Variants in ZNF407 observed in about 807,000 individuals in gnomAD.
ZNF407 encodes zinc finger protein 407.
A neutral mutation model predicts 131.2 loss-of-function variants in ZNF407; 17 were observed. The observed-to-expected ratio is 0.13, with a 90% confidence interval of 0.09 to 0.19. The LOEUF is 0.19. ZNF407 is among the 10% of genes least tolerant of loss of function. The pLI is 1.00. For synonymous variants in ZNF407, 1,156 were observed against 1,062.0 expected, an observed-to-expected ratio of 1.09 and a Z score of -1.72; for missense variants, 2,681 against 2,830.6, an observed-to-expected ratio of 0.95 and a Z score of 1.20.
intron 3 of ZNF407, among the ~76,000 whole-genome samples, chr18:74,755,725 T>TTTCC (rs1179744326): frequency 7.9e-4 from 85 of 107,970 alleles, no homozygotes; most frequent in East Asian, 5.9e-3. Context: ...CTCTTCTTTC[T>TTTCC]TTCCTTTCTT....
chr18:74,759,320 A>G (rs1281702789), intron 3 of ZNF407, among the ~76,000 whole-genome samples: 1 of 151,992 alleles, frequency 6.6e-6, no homozygotes, highest in Non-Finnish European at 1.5e-5. Context: ...TATTCTGTGG[A>G]CATGTTTGAG....
chr18:74,604,342 T>A (rs1982705628), intron 1 of ZNF407, among the ~76,000 whole-genome samples: 1 of 149,564 alleles, frequency 6.7e-6, no homozygotes, highest in African/African-American at 2.4e-5. Flanking sequence ...ATGTGCATTT[T>A]GATCCTTTGC....
intron 4 of ZNF407, among the ~76,000 whole-genome samples, chr18:74,802,087 T>G (rs945102166): frequency 6.6e-6 from 1 of 152,206 alleles, no homozygotes; most frequent in Non-Finnish European, 1.5e-5. Flanking sequence ...TCACTGAAAG[T>G]CACTGTTAGC....
chr18:74,741,700 A>C lies in ZNF407; in HGVS notation c.4803-39728A>C, dbSNP rs377048981. Among the ~76,000 whole-genome samples the C allele has an allele frequency of 1.4e-3, 206 of 152,232 alleles. 3 individuals are homozygous for C. The highest frequency in any genetic ancestry group is 4.8e-3 in the African/African-American group (199 of 41,544). ...GATTTGCACATTTCAAACAATAGTA[A>C]ATTTCCTTGGTTGTCAGATATACAT... On this transcript the variant is annotated intron_variant, in intron 3 of 8. Transcript: ENST00000299687.
intron 8 of ZNF407, among the ~76,000 whole-genome samples, chr18:75,022,515 C>T (rs1301761710): frequency 6.6e-6 from 1 of 152,184 alleles, no homozygotes; most frequent in Non-Finnish European, 1.5e-5. Flanking sequence ...CCTAACCTCT[C>T]TGCACTTGAA....
chr18:74,681,059 A>G (rs1966971221), intron 3 of ZNF407, among the ~76,000 whole-genome samples: 1 of 152,274 alleles, frequency 6.6e-6, no homozygotes, highest in Middle Eastern at 3.4e-3. Flanking sequence ...ACCAATAACT[A>G]TAATACCAGG....
intron 2 of ZNF407, among the ~76,000 whole-genome samples, chr18:74,637,396 T>C (rs1223307047): frequency 6.6e-6 from 1 of 152,200 alleles, no homozygotes; most frequent in Non-Finnish European, 1.5e-5. Context: ...AAAATCAAGT[T>C]AATGTGGATG....
intron 8 of ZNF407, among the ~76,000 whole-genome samples, chr18:75,058,823 CACATTCGTTTA>C (rs1321819223): frequency 6.6e-6 from 1 of 152,196 alleles, no homozygotes; most frequent in Non-Finnish European, 1.5e-5. Context: ...AGAAGAGATT[CACATTCGTTTA>C]AATGACACTT....
chr18:74,759,721 T>C (rs1020730985), intron 3 of ZNF407, among the ~76,000 whole-genome samples: 2 of 151,944 alleles, frequency 1.3e-5, no homozygotes, highest in African/African-American at 4.8e-5. Context: ...TTTTTTCATT[T>C]TTATTGATAA....
At chr18:74,906,717 G>A (rs1473716297) in intron 7 of ZNF407, among the ~76,000 whole-genome samples, 2 of 151,914 alleles carry the variant, frequency 1.3e-5, no homozygotes, top group African/African-American at 4.8e-5. Flanking sequence ...ATCTGTATAT[G>A]TATGTGCATA....
chr18:74,761,943 A>G (rs1344137988), intron 3 of ZNF407, among the ~76,000 whole-genome samples: 1 of 152,136 alleles, frequency 6.6e-6, no homozygotes, highest in Non-Finnish European at 1.5e-5. Context: ...TCAAATTGCT[A>G]GTATTTGTAG....
At chr18:75,009,911 A>G (rs1972954702) in intron 8 of ZNF407, among the ~76,000 whole-genome samples, 1 of 152,220 alleles carries the variant, frequency 6.6e-6, no homozygotes, top group South Asian at 2.1e-4. Context: ...AAAATCAGAA[A>G]TCCCAATTAT....
intron 3 of ZNF407, among the ~76,000 whole-genome samples, chr18:74,755,728 C>CTTTTCTTTCTTT (rs1968925683): frequency 1.6e-5 from 1 of 63,468 alleles, no homozygotes; most frequent in Admixed American, 2.1e-4. Flanking sequence ...TTCTTTCTTT[C>CTTTTCTTTCTTT]CTTTCTTTCT....
rs1449858117 is a variant in ZNF407, at chr18:75,064,854, C to T, written c.*386C>T. ...ATTTCAGTTATCAGAAGGTCATGGCCGTGGGGAAAGTGGTGAAGATACCCC... is the reference window on the plus strand; with the variant it reads ...ATTTCAGTTATCAGAAGGTCATGGCTGTGGGGAAAGTGGTGAAGATACCCC... On this transcript the variant is annotated 3_prime_UTR_variant, in exon 9 of 9. Coordinates refer to ENST00000299687, the MANE Select transcript of ZNF407 (RefSeq NM_017757.3). 1.7e-5 allele frequency: 3 copies of T among 171,972 alleles called. No individual in the cohort carries two copies. Among genetic ancestry groups the T allele is most frequent in the Admixed American group, 5.9e-5 (1 of 16,838 alleles). 10.7% of individuals were successfully genotyped at this position (171,972 alleles called of 1,614,324 possible).
chr18:75,063,472 C>CG lies in ZNF407; in HGVS notation c.5755dup (p.Ala1919GlyfsTer18). 6.2e-7 allele frequency: 1 copy of CG among 1,603,802 alleles called. No individual in the cohort carries two copies. The highest frequency in any genetic ancestry group is 8.5e-7 in the Non-Finnish European group (1 of 1,176,588). On this transcript the variant is annotated frameshift_variant, in exon 9 of 9. Transcript: ENST00000299687. LOFTEE classifies it low-confidence loss of function (END_TRUNC). This position sits in a 1 kb window ranked among gnomAD's most constrained non-coding sequence, Gnocchi z 6.6. ...GCCAGGTCATCGCCACGAGTCAGAGCGGGGCACATGTAGGCAGCGTGGTGC... is the reference window on the plus strand; with the variant it reads ...GCCAGGTCATCGCCACGAGTCAGAGCGGGGGCACATGTAGGCAGCGTGGTGC...
At chr18:74,816,383 CGTCCTCT>C (rs1568228309) in intron 4 of ZNF407, among the ~76,000 whole-genome samples, 1 of 152,172 alleles carries the variant, frequency 6.6e-6, no homozygotes, top group East Asian at 1.9e-4. Context: ...GGTCAGTTAG[CGTCCTCT>C]GTCAGATTTT....
intron 3 of ZNF407, among the ~76,000 whole-genome samples, chr18:74,753,743 G>C (rs901281859): frequency 6.6e-6 from 1 of 152,190 alleles, no homozygotes; most frequent in Non-Finnish European, 1.5e-5. Flanking sequence ...TATGCTGCTG[G>C]ATTTGTTTTG....
intron 3 of ZNF407, among the ~76,000 whole-genome samples, chr18:74,729,341 T>A (rs79936783): frequency 0.015 from 2,333 of 152,302 alleles, 44 homozygotes; most frequent in African/African-American, 0.053. Flanking sequence ...CTAGGCAACT[T>A]CTTCTTAGTC....
chr18:74,626,399 C>T (rs1023807620), intron 1 of ZNF407, among the ~76,000 whole-genome samples: 7 of 152,166 alleles, frequency 4.6e-5, no homozygotes, highest in African/African-American at 1.7e-4. Context: ...GTTTTAAAAA[C>T]ACATGGATAT....
Sources: allele counts gnomAD v4.1 joint callset (sites outside exome capture counted in the v4.1 genomes callset), GRCh38; gene constraint gnomAD v4.1.1; non-coding constraint Gnocchi (gnomAD v3.1); transcripts MANE v1.5; gene names NCBI Gene and HGNC (gene_info 2026-07-23, HGNC 2026-07-21).